The following FRMD4A variants were observed in gnomAD, a reference collection of about 807,000 sequenced individuals.
FRMD4A encodes the protein FERM domain containing 4A.
FRMD4A carries 29 observed loss-of-function variants against 129.1 expected under a neutral mutation model. The observed-to-expected ratio is 0.22, with a 90% CI of 0.17 to 0.31. FRMD4A has a LOEUF of 0.31. FRMD4A is among the 10% of genes least tolerant of loss of function. FRMD4A has a pLI of 1.00. For missense variants in FRMD4A, 1,272 were observed against 1,375.8 expected (o/e 0.92, Z 1.19); for synonymous variants, 634 against 571.6 (o/e 1.11, Z -1.56).
intron 15 of FRMD4A, chr10:13,685,714 A>G: frequency 1.2e-6 from 1 of 838,498 alleles, no homozygotes; most frequent in Non-Finnish European, 1.4e-6. Context: ...AGGCTGAGGC[A>G]GGAGGATCGC....
At chr10:14,237,103 C>T (rs1033656418) in intron 2 of FRMD4A, among the ~76,000 whole-genome samples, 9 of 151,428 alleles carry the variant, frequency 5.9e-5, no homozygotes, top group African/African-American at 1.7e-4. Context: ...GAACTCCTGG[C>T]CTTAAGCAGA....
chr10:14,029,246 G>C (rs937256473), intron 2 of FRMD4A, among the ~76,000 whole-genome samples: 1 of 152,092 alleles, frequency 6.6e-6, no homozygotes, highest in Non-Finnish European at 1.5e-5. Context: ...AAATAAAATA[G>C]AAGTCTCGGT....
intron 2 of FRMD4A, among the ~76,000 whole-genome samples, chr10:13,884,240 A>ACC (rs200093883): frequency 0.013 from 1,703 of 135,160 alleles, 37 homozygotes; most frequent in East Asian, 0.055. Context: ...ACACACACAC[A>ACC]CTCCCTAAAA....
At chr10:13,796,752 G>T (rs1243802013) in intron 4 of FRMD4A, among the ~76,000 whole-genome samples, 164 bp from the exon 5 acceptor site, 1 of 151,810 alleles carries the variant, frequency 6.6e-6, no homozygotes, top group African/African-American at 2.4e-5. Flanking sequence ...ACTAAGTCTT[G>T]CTCTGTGACC....
chr10:14,063,403 A>G (rs1565222432), intron 2 of FRMD4A, among the ~76,000 whole-genome samples: 1 of 152,076 alleles, frequency 6.6e-6, no homozygotes. Flanking sequence ...TACATTTATT[A>G]TGTTATTGTT....
intron 12 of FRMD4A, among the ~76,000 whole-genome samples, chr10:13,717,594 A>G (rs7916464): frequency 0.094 from 13,871 of 147,026 alleles, 689 homozygotes; most frequent in Non-Finnish European, 0.11. Context: ...AATTACAGGC[A>G]TGAGCCAACG....
chr10:14,267,453 C>A (rs190887090), intron 2 of FRMD4A, among the ~76,000 whole-genome samples: 1 of 152,252 alleles, frequency 6.6e-6, no homozygotes, highest in Non-Finnish European at 1.5e-5. Flanking sequence ...AAGGAGAAAG[C>A]AAAGATGCCA....
At chr10:13,689,188 A>G (rs1293305621) in intron 15 of FRMD4A, among the ~76,000 whole-genome samples, 1 of 60,198 alleles carries the variant, frequency 1.7e-5, no homozygotes, top group Non-Finnish European at 3.8e-5. Context: ...AGCAGTACAC[A>G]AACTCTTTGC....
intron 3 of FRMD4A, among the ~76,000 whole-genome samples, chr10:13,854,358 C>T (rs1050122540): frequency 1.1e-4 from 17 of 152,140 alleles, no homozygotes; most frequent in African/African-American, 1.9e-4. Flanking sequence ...CTGGCTATAG[C>T]GTCCTCCAGA....
intron 2 of FRMD4A, among the ~76,000 whole-genome samples, chr10:13,990,844 G>T (rs531981449): frequency 6.6e-6 from 1 of 152,164 alleles, no homozygotes; most frequent in Non-Finnish European, 1.5e-5. Context: ...CTCAGCCCTT[G>T]TTCCCATTTT....
intron 2 of FRMD4A, among the ~76,000 whole-genome samples, chr10:14,157,583 C>T (rs1490386078): frequency 6.6e-6 from 1 of 152,184 alleles, no homozygotes; most frequent in African/African-American, 2.4e-5. Flanking sequence ...CCCATCACCC[C>T]AGAGTCCAGC....
intron 2 of FRMD4A, among the ~76,000 whole-genome samples, chr10:13,943,565 T>G (rs2095308991): frequency 7.4e-6 from 1 of 135,028 alleles, no homozygotes; most frequent in African/African-American, 2.8e-5. Flanking sequence ...GGAGAATCAT[T>G]TGAACCTGGG....
At chr10:14,106,602 A>C (rs1837599915) in intron 2 of FRMD4A, among the ~76,000 whole-genome samples, 1 of 152,250 alleles carries the variant, frequency 6.6e-6, no homozygotes, top group Non-Finnish European at 1.5e-5. Flanking sequence ...CATGATAAAA[A>C]TCTGGATCTC....
chr10:13,663,027 T>C (rs1015985446), intron 19 of FRMD4A, among the ~76,000 whole-genome samples: 2 of 60,112 alleles, frequency 3.3e-5, no homozygotes, highest in African/African-American at 9.6e-5. Context: ...ACCCAGTCTC[T>C]ACAAAAAAAT....
At chr10:14,055,656 T>G (rs1174605906) in intron 2 of FRMD4A, among the ~76,000 whole-genome samples, 1 of 152,208 alleles carries the variant, frequency 6.6e-6, no homozygotes, top group Admixed American at 6.5e-5. Context: ...AAACACCAAC[T>G]TTATTTCTTT....
At chr10:14,211,386 G>T (rs1547667) in intron 2 of FRMD4A, among the ~76,000 whole-genome samples, 78,417 of 151,986 alleles carry the variant, frequency 0.52, 21,913 homozygotes, top group Non-Finnish European at 0.63. Context: ...TTGAAGTCAC[G>T]TGGGTCTGGT....
chr10:13,737,244 C>T (rs141869720), intron 12 of FRMD4A, among the ~76,000 whole-genome samples: 1,865 of 152,310 alleles, frequency 0.012, 67 homozygotes, highest in South Asian at 0.1. Context: ...CATGCACCAC[C>T]ATGCCCAGCT....
intron 2 of FRMD4A, among the ~76,000 whole-genome samples, chr10:13,906,602 A>T (rs1161970577): frequency 6.6e-6 from 1 of 152,174 alleles, no homozygotes; most frequent in African/African-American, 2.4e-5. Flanking sequence ...GTCTGTATAC[A>T]ATACCGTCTT....
At chr10:13,931,971 C>CAACCAACA (rs1236885252) in intron 2 of FRMD4A, among the ~76,000 whole-genome samples, 2 of 151,838 alleles carry the variant, frequency 1.3e-5, no homozygotes, top group Non-Finnish European at 2.9e-5. Context: ...ACCAACCAAC[C>CAACCAACA]AACCAACAAA....
Sources: gnomAD v4.1 joint callset for allele counts (sites outside exome capture counted in the v4.1 genomes callset) on GRCh38, gnomAD v4.1.1 for gene constraint, MANE v1.5 for transcripts, NCBI Gene and HGNC (gene_info 2026-07-23, HGNC 2026-07-21) for gene names.